The following CPQ variants were observed in gnomAD, a reference collection of about 807,000 sequenced individuals.
CPQ encodes the protein carboxypeptidase Q, also known as Ser-Met dipeptidase.
CPQ carries 37 observed loss-of-function variants against 45.7 expected under a neutral mutation model. That is an observed-to-expected ratio of 0.81 (90% CI 0.62 to 1.07). The LOEUF (loss-of-function observed/expected upper bound fraction) is 1.07. Among genes scored for constraint, CPQ ranks in the 50% least tolerant of loss-of-function variants. The pLI is 0.00. For synonymous variants in CPQ, 186 were observed against 205.8 expected (o/e 0.90, Z 0.82); for missense variants, 537 against 572.9 (o/e 0.94, Z 0.64).
intron 7 of CPQ, among the ~76,000 whole-genome samples, chr8:97,086,461 C>T (rs1811042711): frequency 6.6e-6 from 1 of 152,148 alleles, no homozygotes; most frequent in Non-Finnish European, 1.5e-5. Context: ...GTACAAGGTG[C>T]AGGGCAGATC....
At chr8:96,837,583 G>T (rs1209695330) in intron 3 of CPQ, among the ~76,000 whole-genome samples, 1 of 151,986 alleles carries the variant, frequency 6.6e-6, no homozygotes, top group Non-Finnish European at 1.5e-5. Flanking sequence ...TGTTTGACCT[G>T]TGTATCCTCA....
intron 5 of CPQ, among the ~76,000 whole-genome samples, chr8:97,027,326 G>T (rs961755122): frequency 2.6e-5 from 4 of 152,012 alleles, no homozygotes; most frequent in African/African-American, 9.7e-5. Context: ...GTACTCAAAG[G>T]CCTTTGGAAG....
intron 5 of CPQ, among the ~76,000 whole-genome samples, chr8:97,011,611 T>C (rs1809485421): frequency 6.6e-6 from 1 of 152,228 alleles, no homozygotes; most frequent in African/African-American, 2.4e-5. Context: ...GCTCTGACAC[T>C]TATTGGCTGT....
chr8:96,820,704 A>G (rs2130836487), intron 2 of CPQ, among the ~76,000 whole-genome samples: 1 of 152,120 alleles, frequency 6.6e-6, no homozygotes, highest in Non-Finnish European at 1.5e-5. Context: ...TTCTTTCTTC[A>G]TTCATCTGTT....
rs1563483461 is a variant in CPQ at position 96,737,251 on chromosome 8, ACAC to A, written c.-34-47612_-34-47610del. ...AAGATACACACACACACACACACAC[ACAC>A]AAAAAAAAACTAATAGGATATATAT... is the stretch of plus-strand genomic sequence containing the variant. On this transcript the variant is annotated intron_variant, in intron 1 of 7. Transcript: ENST00000220763. 1.8e-4 allele frequency among the ~76,000 whole-genome samples: 25 copies of A among 141,730 alleles called. No homozygotes were observed. The East Asian group carries it at 3.6e-3, about 20-fold the overall frequency. 93.0% of individuals were successfully genotyped at this position (141,730 alleles called of 152,430 possible). A position where few individuals can be genotyped will look rare whatever the true frequency, so the allele number is the denominator to read the frequency against.
intron 4 of CPQ, among the ~76,000 whole-genome samples, chr8:96,940,541 A>G (rs1291285613): frequency 1.3e-5 from 2 of 152,188 alleles, no homozygotes; most frequent in African/African-American, 4.8e-5. Flanking sequence ...GGAGAAGACA[A>G]ATGAATTATT....
intron 1 of CPQ, among the ~76,000 whole-genome samples, chr8:96,742,768 GA>G (rs1400704214): frequency 6.6e-6 from 1 of 152,096 alleles, no homozygotes; most frequent in Non-Finnish European, 1.5e-5. Context: ...ATTCTGGGTT[GA>G]AAATTCTTTT....
chr8:96,732,457 A>T (rs1484669949), intron 1 of CPQ: 1 of 152,190 alleles, frequency 6.6e-6, no homozygotes, highest in Non-Finnish European at 1.5e-5. Context: ...TAGTCTTTAA[A>T]ACATTTTTTT....
At chr8:96,936,572 A>G (rs1032838968) in intron 4 of CPQ, among the ~76,000 whole-genome samples, 3 of 152,218 alleles carry the variant, frequency 2.0e-5, no homozygotes, top group Non-Finnish European at 4.4e-5. Context: ...AGCTGTACCA[A>G]GTGCTGATTA....
intron 1 of CPQ, among the ~76,000 whole-genome samples, chr8:96,742,431 T>G (rs907531969): frequency 1.3e-5 from 2 of 152,212 alleles, no homozygotes; most frequent in African/African-American, 4.8e-5. Flanking sequence ...CTTTATCCAA[T>G]TTGCCAGTCT....
At chr8:96,819,447 A>G (rs1185481161) in intron 2 of CPQ, among the ~76,000 whole-genome samples, 1 of 151,986 alleles carries the variant, frequency 6.6e-6, no homozygotes, top group South Asian at 2.1e-4. Flanking sequence ...TAAGATTAGG[A>G]AACAAAAAAA....
intron 6 of CPQ, among the ~76,000 whole-genome samples, chr8:97,035,798 C>G (rs555035790): frequency 6.6e-6 from 1 of 152,134 alleles, no homozygotes; most frequent in Non-Finnish European, 1.5e-5. Context: ...ACCTCCGCCT[C>G]CAGGGTTCAC....
At chr8:96,793,596 C>T (rs1810881890) in intron 2 of CPQ, among the ~76,000 whole-genome samples, 2 of 152,178 alleles carry the variant, frequency 1.3e-5, no homozygotes, top group African/African-American at 2.4e-5. Context: ...AAATCTATGT[C>T]CTCACATTTC....
At chr8:97,096,687 C>G (rs772535519) in intron 7 of CPQ, among the ~76,000 whole-genome samples, 1 of 152,164 alleles carries the variant, frequency 6.6e-6, no homozygotes, top group Non-Finnish European at 1.5e-5. Context: ...AATGGAACAA[C>G]CACCTCTTAT....
chr8:97,105,160 C>T (rs985498901), intron 7 of CPQ, among the ~76,000 whole-genome samples: 1 of 152,196 alleles, frequency 6.6e-6, no homozygotes, highest in Non-Finnish European at 1.5e-5. Context: ...GTAATGGTCA[C>T]GTGGTATCAC....
chr8:97,078,098 C>T (rs1810878870), intron 7 of CPQ, among the ~76,000 whole-genome samples: 1 of 152,106 alleles, frequency 6.6e-6, no homozygotes, highest in African/African-American at 2.4e-5. Flanking sequence ...GTGTTTCATT[C>T]CATTGTAGTA....
intron 7 of CPQ, among the ~76,000 whole-genome samples, chr8:97,131,082 G>T (rs1231798197): frequency 1.3e-5 from 2 of 152,188 alleles, no homozygotes; most frequent in African/African-American, 4.8e-5. Context: ...TTCTAACTTT[G>T]TTTCATCTTC....
chr8:96,651,990 T>G (rs1815581751), intron 1 of CPQ, among the ~76,000 whole-genome samples: 1 of 152,206 alleles, frequency 6.6e-6, no homozygotes, highest in South Asian at 2.1e-4. Flanking sequence ...TGAAAATATT[T>G]GAAATTTGCT....
chr8:96,801,148 G>A (rs934081564), intron 2 of CPQ, among the ~76,000 whole-genome samples: 1 of 151,860 alleles, frequency 6.6e-6, no homozygotes, highest in Non-Finnish European at 1.5e-5. Context: ...GCTATTTTTT[G>A]TATTTTTTGG....
Sources: allele counts gnomAD v4.1 joint callset (sites outside exome capture counted in the v4.1 genomes callset), GRCh38; gene constraint gnomAD v4.1.1; transcripts MANE v1.5; gene names NCBI Gene and HGNC (gene_info 2026-07-23, HGNC 2026-07-21).